VAMP5: variants seen among roughly 807,000 people sequenced by gnomAD.
The protein encoded by VAMP5 is vesicle associated membrane protein 5.
A neutral mutation model predicts 8.1 loss-of-function variants in VAMP5; 10 were observed. That is an observed-to-expected ratio of 1.23 (90% confidence interval 0.76 to 2.09). VAMP5 has a LOEUF of 2.09. Among genes scored for constraint, VAMP5 ranks in the 30% most tolerant of loss-of-function variants. The pLI is 0.00. For synonymous variants in VAMP5, 62 were observed against 60.6 expected, an observed-to-expected ratio of 1.02 and a Z score of -0.11; for missense variants, 135 against 152.5, an observed-to-expected ratio of 0.89 and a Z score of 0.60.
intron 1 of VAMP5, among the ~76,000 whole-genome samples, chr2:85,589,967 G>T (rs180860226): frequency 6.6e-6 from 1 of 152,278 alleles, no homozygotes; most frequent in African/African-American, 2.4e-5. Context: ...CTGCCTTGGA[G>T]TATTTGAATG....
At chr2:85,590,014 T>A (rs1672516293) in intron 1 of VAMP5, among the ~76,000 whole-genome samples, 1 of 152,124 alleles carries the variant, frequency 6.6e-6, no homozygotes, top group South Asian at 2.1e-4. Context: ...GGAGCCTTGT[T>A]GAATGCTATA....
chr2:85,585,245 G>A (rs1672446640), intron 1 of VAMP5, among the ~76,000 whole-genome samples: 2 of 152,258 alleles, frequency 1.3e-5, no homozygotes, highest in African/African-American at 4.8e-5. Flanking sequence ...GCAGATCCTG[G>A]CCTTTGTCCT....
rs930387709 is a variant in VAMP5, at chr2:85,591,594, C to T, written c.4-131C>T. 4 of 1,382,998 alleles carry T rather than the reference C, an allele frequency of 2.9e-6. No homozygotes were observed. In the South Asian group the frequency reaches 4.1e-5, roughly 14 times the overall value. 85.7% of individuals were successfully genotyped at this position (1,382,998 alleles called of 1,614,324 possible). Reference sequence around the variant, plus strand: ...ACCTTCACTCCGCACACATCATACCCTTACACGAAGGATGCTGTTACTCTC... The same window carrying T: ...ACCTTCACTCCGCACACATCATACCTTTACACGAAGGATGCTGTTACTCTC... On this transcript the variant is annotated intron_variant, in intron 1 of 2. Transcript: ENST00000306384.
chr2:85,592,492 G>A (rs555682325), intron 2 of VAMP5, among the ~76,000 whole-genome samples: 19 of 152,180 alleles, frequency 1.2e-4, no homozygotes, highest in African/African-American at 3.1e-4. Context: ...AGGGTTCCAC[G>A]GCAGGTGGTA....
rs1672567986 is a variant in VAMP5, at chr2:85,592,972, C to A, written c.166C>A (p.Gln56Lys). 1 of 1,613,966 alleles carries A rather than the reference C, an allele frequency of 6.2e-7. No individual in the cohort carries two copies. The highest frequency in any genetic ancestry group is 8.5e-7 in the Non-Finnish European group (1 of 1,180,046). ...GAGCTCAACCTTCAACAAGACTACA[C>A]AGAACCTGGCCCAGAAGAAGTGCTG... ...DMSSTFNKTT[Q>K]NLAQKKCWEN... The change falls in exon 3 of 3, where the codon CAG (glutamine) becomes AAG (lysine). Residue 56 changes from glutamine to lysine, a missense_variant. Coordinates refer to ENST00000306384, the MANE Select transcript of VAMP5 (RefSeq NM_006634.3).
chr2:85,586,390 C>CA (rs1672459627), intron 1 of VAMP5, among the ~76,000 whole-genome samples: 1 of 152,070 alleles, frequency 6.6e-6, no homozygotes, highest in Non-Finnish European at 1.5e-5. Flanking sequence ...GCCTGGCAAA[C>CA]ATGGTGAAAT....
chr2:85,588,180 A>T (rs1672491370), intron 1 of VAMP5, among the ~76,000 whole-genome samples: 1 of 151,940 alleles, frequency 6.6e-6, no homozygotes, highest in Non-Finnish European at 1.5e-5. Flanking sequence ...TGGTAGAGGC[A>T]TGATCTGCCC....
At chr2:85,584,712 G>A (rs757600006) in intron 1 of VAMP5, among the ~76,000 whole-genome samples, 2 of 152,254 alleles carry the variant, frequency 1.3e-5, no homozygotes, top group Non-Finnish European at 2.9e-5. Context: ...TGGCTGCACC[G>A]CGCAGAGCGA....
intron 1 of VAMP5, among the ~76,000 whole-genome samples, chr2:85,590,716 T>G (rs1672527081): frequency 6.6e-6 from 1 of 152,248 alleles, no homozygotes; most frequent in East Asian, 1.9e-4. Context: ...GGAAGTAGGC[T>G]AAGAGGAAGG....
intron 1 of VAMP5, among the ~76,000 whole-genome samples, chr2:85,585,834 C>T (rs935013096): frequency 6.6e-6 from 1 of 152,206 alleles, no homozygotes; most frequent in South Asian, 2.1e-4. Flanking sequence ...CCACCCATCC[C>T]CTTTCCCTCC....
At chr2:85,591,975 G>A in intron 2 of VAMP5, 113 bp downstream of exon 2, 1 of 1,484,472 alleles carries the variant, frequency 6.7e-7, no homozygotes, top group Non-Finnish European at 9.1e-7. Context: ...TTGAGGGCCA[G>A]TGTGGGGCCT....
chr2:85,591,875 G>A lies in VAMP5; in HGVS notation c.141+13G>A. 19 of 1,614,072 alleles carry A rather than the reference G, an allele frequency of 1.2e-5. No homozygotes were observed. The highest frequency in any genetic ancestry group is 1.6e-5 in the Non-Finnish European group (19 of 1,179,970). ...ACTCCTGGATATGGTGTGAGGCCTG[G>A]GGGAGCATGGAGGGGAGGGGAGAGG... is the stretch of plus-strand genomic sequence containing the variant. On this transcript the variant is annotated intron_variant, in intron 2 of 2. Transcript: ENST00000306384.
intron 1 of VAMP5, among the ~76,000 whole-genome samples, chr2:85,589,804 T>G (rs1261862445): frequency 6.6e-6 from 1 of 152,038 alleles, no homozygotes; most frequent in East Asian, 1.9e-4. Context: ...ATTACAGGCA[T>G]GCACCACCAT....
At chr2:85,588,503 C>T (rs1672494563) in intron 1 of VAMP5, among the ~76,000 whole-genome samples, 3 of 152,028 alleles carry the variant, frequency 2.0e-5, no homozygotes. Flanking sequence ...TTCCTTTCTC[C>T]ACGCTCTGCT....
At chr2:85,592,879 G>A in intron 2 of VAMP5, 69 bp from the exon 3 acceptor site, 3 of 1,540,984 alleles carry the variant, frequency 1.9e-6, no homozygotes, top group South Asian at 1.1e-5. Context: ...AGATGGGGTT[G>A]GGAGGAGCTG....
chr2:85,591,579 C>T (rs1160508014), intron 1 of VAMP5, 146 bp from the exon 2 acceptor site: 31 of 1,253,942 alleles, frequency 2.5e-5, no homozygotes, highest in African/African-American at 4.5e-5. Flanking sequence ...ACCTTCACTC[C>T]GCACACATCA....
chr2:85,591,559 CG>C, intron 1 of VAMP5, 165 bp from the exon 2 acceptor site: 3 of 1,063,122 alleles, frequency 2.8e-6, no homozygotes, highest in Non-Finnish European at 4.0e-6. Flanking sequence ...GCACTCACCC[CG>C]AAGGCCAGAC....
At chr2:85,590,335 T>G (rs1287798910) in intron 1 of VAMP5, among the ~76,000 whole-genome samples, 2 of 152,236 alleles carry the variant, frequency 1.3e-5, no homozygotes, top group Non-Finnish European at 2.9e-5. Flanking sequence ...GCCCACTCAC[T>G]GATTCCTTGC....
At chr2:85,592,920 C>A (rs1268073974) in intron 2 of VAMP5, 28 bp from the exon 3 acceptor site, 1 of 1,612,340 alleles carries the variant, frequency 6.2e-7, no homozygotes, top group Non-Finnish European at 8.5e-7. Flanking sequence ...CCAGCTAACT[C>A]CCACTTTGTG....
Sources: allele counts gnomAD v4.1 joint callset (sites outside exome capture counted in the v4.1 genomes callset), GRCh38; gene constraint gnomAD v4.1.1; transcripts MANE v1.5; gene names NCBI Gene and HGNC (gene_info 2026-07-23, HGNC 2026-07-21).